The following ZHX3 variants were observed in gnomAD, a reference collection of about 807,000 sequenced individuals.
ZHX3 encodes zinc fingers and homeoboxes 3.
ZHX3 carries 20 observed loss-of-function variants against 64.5 expected under a neutral mutation model. The ratio of observed to expected loss-of-function variants is 0.31; its 90% CI spans 0.22 to 0.45. The LOEUF is 0.45. ZHX3 is among the 20% of genes least tolerant of loss of function. The pLI, the probability that ZHX3 is intolerant of heterozygous loss-of-function variation, is 1.00. For missense variants in ZHX3, 1,041 were observed against 1,195.8 expected (o/e 0.87, Z 1.91); for synonymous variants, 423 against 461.6 (o/e 0.92, Z 1.07).
At chr20:41,288,537 G>T (rs2146728076) in intron 1 of ZHX3, among the ~76,000 whole-genome samples, 1 of 152,264 alleles carries the variant, frequency 6.6e-6, no homozygotes, top group East Asian at 1.9e-4. Context: ...CCTAGGCAAT[G>T]CCAAAATTTA....
chr20:41,207,743 G>A (rs1475445052), intron 2 of ZHX3, among the ~76,000 whole-genome samples: 2 of 152,172 alleles, frequency 1.3e-5, no homozygotes, highest in African/African-American at 2.4e-5. Flanking sequence ...GAGAAAGCAG[G>A]AAATATCTAA....
intron 3 of ZHX3, among the ~76,000 whole-genome samples, chr20:41,199,906 G>T (rs2038082718): frequency 6.6e-6 from 1 of 151,892 alleles, no homozygotes; most frequent in African/African-American, 2.4e-5. Flanking sequence ...TTACCATGTT[G>T]GCCAGGCTGG....
intron 1 of ZHX3, among the ~76,000 whole-genome samples, chr20:41,312,185 G>A (rs2045158501): frequency 1.3e-5 from 2 of 151,952 alleles, no homozygotes; most frequent in East Asian, 1.9e-4. Context: ...GCACCAATCG[G>A]CACCCTGTAG....
At chr20:41,242,802 T>G (rs965684875) in intron 2 of ZHX3, among the ~76,000 whole-genome samples, 8 of 152,228 alleles carry the variant, frequency 5.3e-5, no homozygotes, top group African/African-American at 1.9e-4. Context: ...TACTAGATAG[T>G]ACTTCCATTG....
At chr20:41,238,992 C>CTT (rs36076017) in intron 2 of ZHX3, among the ~76,000 whole-genome samples, 7,784 of 86,398 alleles carry the variant, frequency 0.09, 1,205 homozygotes, top group African/African-American at 0.099. Flanking sequence ...TTTTCTCTCT[C>CTT]TTTTTTTTTT....
intron 2 of ZHX3, among the ~76,000 whole-genome samples, chr20:41,211,442 C>A (rs1203479316): frequency 6.6e-6 from 1 of 152,102 alleles, no homozygotes; most frequent in Non-Finnish European, 1.5e-5. Flanking sequence ...CAACTTCTCA[C>A]CCCTTCCCCC....
At position 41,269,357 on chromosome 20, in the gene ZHX3, T is replaced by G. The variant is rs1318444236; in HGVS notation, c.-244-274A>C. Reference sequence around the variant, plus strand: ...TTAACGCTCTTTCCACCAATGAGTTTCCATGTCTCTCTCCCAGCTAAGTTT... The same window carrying G: ...TTAACGCTCTTTCCACCAATGAGTTGCCATGTCTCTCTCCCAGCTAAGTTT... On this transcript the variant is annotated intron_variant, in intron 1 of 3. Coordinates refer to ENST00000683867, the MANE Select transcript of ZHX3 (RefSeq NM_001384317.1). 2.0e-5 allele frequency: 3 copies of G among 152,230 alleles called. No individual in the cohort carries two copies. The East Asian group carries it at 5.8e-4, about 29-fold the overall frequency. The allele number at this position is 152,230 out of a possible 1,614,324, so 9.4% of individuals were successfully genotyped here.
chr20:41,236,176 C>A (rs534957200), intron 2 of ZHX3, among the ~76,000 whole-genome samples: 1 of 152,102 alleles, frequency 6.6e-6, no homozygotes, highest in Non-Finnish European at 1.5e-5. Context: ...GAATCAATAT[C>A]GTGATAATGG....
intron 1 of ZHX3, among the ~76,000 whole-genome samples, chr20:41,276,533 C>T (rs954700231): frequency 3.3e-5 from 5 of 152,312 alleles, no homozygotes; most frequent in South Asian, 2.1e-4. Context: ...TTGGGTTCCC[C>T]GAGCTCTCTC....
At position 41,203,714 on chromosome 20, in the gene ZHX3, A is replaced by G; in HGVS notation, c.1203T>C (p.Asn401=). 2 of 1,614,196 alleles carry G rather than the reference A, an allele frequency of 1.2e-6. No individual in the cohort carries two copies. The highest frequency in any genetic ancestry group is 1.1e-5 in the South Asian group (1 of 91,088). ...LNTPLVASAG[N]VQHLIQAALP... is the part of the protein sequence containing the mutation. ...GAGCGGCCTGGATGAGATGCTGGACATTGCCAGCACTGGCGACGAGTGGGG... is the reference window on the plus strand; with the variant it reads ...GAGCGGCCTGGATGAGATGCTGGACGTTGCCAGCACTGGCGACGAGTGGGG... The change falls in exon 3 of 4, where the codon AAT becomes AAC. Residue 401 remains asparagine (N), a synonymous_variant. Coordinates refer to ENST00000683867, the MANE Select transcript of ZHX3 (RefSeq NM_001384317.1). The surrounding 1 kb of genome is among the most constrained non-coding windows in gnomAD (Gnocchi z 7.1).
At chr20:41,315,087 G>A (rs1262099728) in intron 1 of ZHX3, among the ~76,000 whole-genome samples, 2 of 152,208 alleles carry the variant, frequency 1.3e-5, no homozygotes, top group Non-Finnish European at 2.9e-5. Context: ...CCTAACTTTT[G>A]AGCAGAGACC....
At chr20:41,227,520 T>C (rs1291706619) in intron 2 of ZHX3, among the ~76,000 whole-genome samples, 1 of 152,146 alleles carries the variant, frequency 6.6e-6, no homozygotes, top group African/African-American at 2.4e-5. Flanking sequence ...CACTCACCAG[T>C]GATACACTCA....
At chr20:41,238,095 T>C (rs2041133070) in intron 2 of ZHX3, among the ~76,000 whole-genome samples, 1 of 152,206 alleles carries the variant, frequency 6.6e-6, no homozygotes, top group Non-Finnish European at 1.5e-5. Context: ...AGTTGCTTGC[T>C]TACTACCAAA....
chr20:41,310,248 C>G (rs2045091349), intron 1 of ZHX3, among the ~76,000 whole-genome samples: 1 of 152,234 alleles, frequency 6.6e-6, no homozygotes, highest in Non-Finnish European at 1.5e-5. Context: ...ATGGTCCTAT[C>G]TCAGTGGAGC....
intron 2 of ZHX3, among the ~76,000 whole-genome samples, chr20:41,207,673 T>C (rs553283037): frequency 6.6e-6 from 1 of 152,328 alleles, no homozygotes; most frequent in African/African-American, 2.4e-5. Flanking sequence ...CATACCAGAA[T>C]CTCTGGGACA....
In ZHX3 at chr20:41,230,366, T is replaced by C. The variant is rs982562860; in HGVS notation, c.-150-25300A>G. Among the ~76,000 whole-genome samples the C allele has an allele frequency of 2.0e-5, 3 of 152,108 alleles. No individual in the cohort carries two copies. The East Asian group carries it at 5.8e-4, about 29-fold the overall frequency. On this transcript the variant is annotated intron_variant, in intron 2 of 3. Coordinates refer to ENST00000683867, the MANE Select transcript of ZHX3 (RefSeq NM_001384317.1). ...GATGATCATCTGAAAGCTCCTCTCCTCTTGTGTTTATCATTATAGTACTTA... is the reference window on the plus strand; with the variant it reads ...GATGATCATCTGAAAGCTCCTCTCCCCTTGTGTTTATCATTATAGTACTTA...
chr20:41,299,802 C>T (rs2044726106), intron 1 of ZHX3, among the ~76,000 whole-genome samples: 1 of 138,484 alleles, frequency 7.2e-6, no homozygotes, highest in Non-Finnish European at 1.5e-5. Context: ...GCAGAGGTTG[C>T]AGTAAGCCAA....
chr20:41,218,141 G>A (rs1487562016), intron 2 of ZHX3, among the ~76,000 whole-genome samples: 1 of 151,948 alleles, frequency 6.6e-6, no homozygotes, highest in Non-Finnish European at 1.5e-5. Flanking sequence ...GCAAGACCCT[G>A]TCTCCTAAAA....
intron 1 of ZHX3, among the ~76,000 whole-genome samples, chr20:41,311,248 C>A (rs1031362236): frequency 2.0e-5 from 3 of 151,606 alleles, no homozygotes; most frequent in Non-Finnish European, 2.9e-5. Flanking sequence ...TTTTTTTCTC[C>A]TTATAATAGT....
Sources: allele counts gnomAD v4.1 joint callset (sites outside exome capture counted in the v4.1 genomes callset), GRCh38; gene constraint gnomAD v4.1.1; non-coding constraint Gnocchi (gnomAD v3.1); transcripts MANE v1.5; gene names NCBI Gene and HGNC (gene_info 2026-07-23, HGNC 2026-07-21).